Variants in HOOK2 observed in about 807,000 individuals in gnomAD.
HOOK2 encodes hook microtubule tethering protein 2.
Under a neutral mutation model 111.9 loss-of-function variants are expected in HOOK2, and 108 were observed. The ratio of observed to expected loss-of-function variants is 0.96; its 90% CI spans 0.83 to 1.13. The LOEUF is 1.13. Ranked by LOEUF, HOOK2 falls within the 50% of genes most tolerant of loss-of-function variation. The pLI, the probability that HOOK2 is intolerant of heterozygous loss-of-function variation, is 0.00. For synonymous variants in HOOK2, 405 were observed against 394.3 expected (o/e 1.03, Z -0.32); for missense variants, 978 against 951.3 (o/e 1.03, Z -0.37).
chr19:12,773,116 T>C, intron 3 of HOOK2, 72 bp from the exon 4 acceptor site: 1 of 1,410,042 alleles, frequency 7.1e-7, no homozygotes, highest in Non-Finnish European at 1.0e-6. Context: ...CCATCCTCTC[T>C]CCACCTCACT....
At chr19:12,776,218 G>A (rs73503412), upstream of HOOK2, among the ~76,000 whole-genome samples, 1 of 151,472 alleles carries the variant, frequency 6.6e-6, no homozygotes, top group African/African-American at 2.4e-5. Flanking sequence ...AATCGGAGCC[G>A]TTGTGCGGGG....
chr19:12,765,531 TG>T, intron 18 of HOOK2, 158 bp downstream of exon 18: 1 of 974,292 alleles, frequency 1.0e-6, no homozygotes, highest in Non-Finnish European at 1.6e-6. Context: ...GTGGATCATC[TG>T]GGGTCAGGAG....
upstream of HOOK2, among the ~76,000 whole-genome samples, chr19:12,780,299 G>C (rs1436397837): frequency 6.6e-6 from 1 of 152,124 alleles, no homozygotes; most frequent in African/African-American, 2.4e-5. Context: ...GTGTGTCTGT[G>C]TCTACTATAT....
intron 12 of HOOK2, 26 bp downstream of exon 12, chr19:12,767,987 C>CT (rs1175878101): frequency 4.0e-5 from 64 of 1,612,296 alleles, no homozygotes; most frequent in Non-Finnish European, 5.2e-5. Flanking sequence ...CAGGGTGGGG[C>CT]TTGGGCAGTG....
In HOOK2 at chr19:12,772,878, G is replaced by A. The variant is rs1404930236; in HGVS notation, c.290C>T (p.Pro97Leu). 9 of 1,614,198 alleles carry A rather than the reference G, an allele frequency of 5.6e-6. No individual in the cohort carries two copies. Among genetic ancestry groups the A allele is most frequent in the South Asian group, 1.1e-5 (1 of 91,090 alleles). The change falls in exon 5 of 23, where the codon CCA becomes CTA. Residue 97 changes from proline to leucine, a missense_variant. Around this residue, in one of 5 missense-constraint regions of HOOK2, gnomAD observed 301 missense variants for 286.1 expected, o/e 1.05. Transcript: ENST00000397668. ...GAACTCTCCAATGAGGCTCACATCT[G>A]GGAGATGCTCTTCTGACACAGGATG... ...LAHPVSEEHL[P>L]DVSLIGEFSD...
rs1370195037 is a variant in HOOK2, at chr19:12,786,071, C to T, written n.42-11846G>A. Among the ~76,000 whole-genome samples the T allele has an allele frequency of 1.3e-5, 2 of 152,172 alleles. No homozygotes were observed. Among genetic ancestry groups the T allele is most frequent in the Admixed American group, 6.5e-5 (1 of 15,282 alleles). On this transcript the variant is annotated intron_variant and non_coding_transcript_variant, in intron 3 of 3. Coordinates refer to the HOOK2 transcript ENST00000589765. This position sits in a 1 kb window ranked among gnomAD's most constrained non-coding sequence, Gnocchi z 4.3. ...GCCTGGAGAGAGAGAAAGAGAGAGA[C>T]TCTCCTTCCTGCTTCCAAGAAAACC...
At chr19:12,765,212 C>CAGGCA in intron 18 of HOOK2, 131 bp from the exon 19 acceptor site, 2 of 858,372 alleles carry the variant, frequency 2.3e-6, no homozygotes, top group South Asian at 1.5e-5. Flanking sequence ...CTGCCTGCCC[C>CAGGCA]TCATGCCTGG....
intron 14 of HOOK2, 154 bp from the exon 15 acceptor site, chr19:12,766,394 A>T: frequency 2.1e-6 from 2 of 935,640 alleles, no homozygotes; most frequent in Non-Finnish European, 3.1e-6. Flanking sequence ...CTACGGGTTC[A>T]GGTTCCCGGC....
upstream of HOOK2, among the ~76,000 whole-genome samples, chr19:12,782,447 A>C (rs1458702431): frequency 6.6e-6 from 1 of 152,240 alleles, no homozygotes; most frequent in East Asian, 1.9e-4. Context: ...CACAGAGGAC[A>C]GCAGGCTGCG....
chr19:12,774,408 G>C (rs1968431657), intron 3 of HOOK2: 1 of 564,912 alleles, frequency 1.8e-6, no homozygotes, highest in Admixed American at 3.0e-5. Flanking sequence ...GCCCAGCCTG[G>C]AAGTTAATTT....
rs1251468042 is a variant in HOOK2, at chr19:12,786,959, G to T, written n.42-12734C>A. ...CAGGTGGGAGGATCCCTTAGGGCCA[G>T]GACTTCCAGACCAGCCTAGGCAACA... On this transcript the variant is annotated intron_variant and non_coding_transcript_variant, in intron 3 of 3. Transcript: ENST00000589765. This position sits in a 1 kb window ranked among gnomAD's most constrained non-coding sequence, Gnocchi z 4.3. Among the ~76,000 whole-genome samples, 1 of 152,168 alleles carries T rather than the reference G, an allele frequency of 6.6e-6. No homozygotes were observed. The highest frequency in any genetic ancestry group is 1.5e-5 in the Non-Finnish European group (1 of 68,028).
At position 12,771,205 on chromosome 19, in the gene HOOK2, G is replaced by A; in HGVS notation, c.715C>T (p.Leu239=). 1.2e-6 allele frequency: 2 copies of A among 1,612,764 alleles called. No individual in the cohort carries two copies. Among genetic ancestry groups the A allele is most frequent in the Non-Finnish European group, 1.7e-6 (2 of 1,179,488 alleles). Reference sequence around the variant, plus strand: ...TGCTCCAGCTGGGATTGCAGCAGCAGCAGCTTCTTGGCAGTGAGACCTGGG... The same window carrying A: ...TGCTCCAGCTGGGATTGCAGCAGCAACAGCTTCTTGGCAGTGAGACCTGGG... ...GTPGLTAKKL[L]LLQSQLEQLQ... is the part of the protein sequence containing the mutation. The change falls in exon 9 of 23, where the codon CTG becomes TTG. Residue 239 remains leucine, a synonymous_variant. Transcript: ENST00000397668.
chr19:12,784,072 C>T lies in HOOK2; in HGVS notation n.42-9847G>A, dbSNP rs956444539. Among the ~76,000 whole-genome samples, 5 of 152,080 alleles carry T rather than the reference C, an allele frequency of 3.3e-5. No homozygotes were observed. In the South Asian group the frequency reaches 6.2e-4, roughly 19 times the overall value. ...CCTGGGTCCTGACCCGCGGGTGGCC[C>T]GAGGGAGGGGACGTCGGATGGAGAC... On this transcript the variant is annotated intron_variant and non_coding_transcript_variant, in intron 3 of 3. Coordinates refer to the HOOK2 transcript ENST00000589765.
rs1186960340 is a variant in HOOK2, at chr19:12,768,773, C to CTCTTTT, written c.1105-656_1105-651dup. Among the ~76,000 whole-genome samples, 23 of 150,546 alleles carry CTCTTTT rather than the reference C, an allele frequency of 1.5e-4. No homozygotes were observed. The South Asian group carries it at 4.9e-3, about 32-fold the overall frequency. ...TAGGCATGAGTCACCACGCCCAGCTCTCTTTTTCTTTTTCTTTTTTTAATA... is the reference window on the plus strand; with the variant it reads ...TAGGCATGAGTCACCACGCCCAGCTCTCTTTTTCTTTTTCTTTTTCTTTTTTTAATA... On this transcript the variant is annotated intron_variant, in intron 11 of 22. Transcript: ENST00000397668.
Position 12,791,678 on chromosome 19 carries a change from A to T in HOOK2, n.42-17453T>A, listed in dbSNP as rs958008352. ...CCCGAGAACGCGCGACCAGGCACCC[A>T]GTCCGGTCACCGCAGCGGAGAGCTC... On this transcript the variant is annotated intron_variant and non_coding_transcript_variant, in intron 3 of 3. Coordinates refer to the HOOK2 transcript ENST00000589765. This position sits in a 1 kb window ranked among gnomAD's most constrained non-coding sequence, Gnocchi z 7.0. 8 of 902,512 alleles carry T rather than the reference A, an allele frequency of 8.9e-6. No homozygotes were observed. The African/African-American group carries it at 1.0e-4, about 12-fold the overall frequency. The allele number at this position is 902,512 out of a possible 1,614,324, so 55.9% of individuals were successfully genotyped here.
At chr19:12,767,002 T>A (rs1470160118) in intron 14 of HOOK2, among the ~76,000 whole-genome samples, 1 of 152,180 alleles carries the variant, frequency 6.6e-6, no homozygotes, top group Admixed American at 6.5e-5. Context: ...GTGCTGGGAC[T>A]TAGAGGCATG....
intron 11 of HOOK2, among the ~76,000 whole-genome samples, 161 bp from the exon 12 acceptor site, chr19:12,768,284 A>G (rs1968217257): frequency 6.6e-6 from 1 of 152,136 alleles, no homozygotes; most frequent in Admixed American, 6.6e-5. Flanking sequence ...TTTTAGAGAC[A>G]GGGTCTCCCT....
In HOOK2 at chr19:12,790,240, A is replaced by G. The variant is rs574182463; in HGVS notation, n.42-16015T>C. Among the ~76,000 whole-genome samples the G allele has an allele frequency of 4.7e-3, 712 of 152,262 alleles. 3 individuals are homozygous for G. Among genetic ancestry groups the G allele is most frequent in the East Asian group, 0.01 (54 of 5,158 alleles). On this transcript the variant is annotated intron_variant and non_coding_transcript_variant, in intron 3 of 3. Transcript: ENST00000589765. The surrounding 1 kb of genome is among the most constrained non-coding windows in gnomAD (Gnocchi z 7.2). The stretch of plus-strand genomic sequence containing the variant: ...CGCCCAGGTTCCTCTTCCGAGGCGC[A>G]GGATGCGGCGGGACCCAGGGCGGGG...
intron 12 of HOOK2, 40 bp downstream of exon 12, chr19:12,767,973 T>C (rs1436717419): frequency 6.2e-7 from 1 of 1,611,356 alleles, no homozygotes; most frequent in Non-Finnish European, 8.5e-7. Flanking sequence ...TACCCCAGAA[T>C]TGGCAGGGTG....
Sources: gnomAD v4.1 joint callset for allele counts (sites outside exome capture counted in the v4.1 genomes callset) on GRCh38, gnomAD v4.1.1 for gene constraint, gnomAD v4.1.1 regional missense constraint, Gnocchi (gnomAD v3.1) non-coding constraint, MANE v1.5 for transcripts, NCBI Gene and HGNC (gene_info 2026-07-23, HGNC 2026-07-21) for gene names.